Variants in VSIR observed in about 807,000 individuals in gnomAD.
The protein encoded by VSIR is V-type immunoglobulin domain-containing suppressor of T-cell activation.
Under a neutral mutation model 31.0 loss-of-function variants are expected in VSIR, and 10 were observed. That is an observed-to-expected ratio of 0.32 (90% confidence interval 0.20 to 0.55). The LOEUF (loss-of-function observed/expected upper bound fraction) is 0.55. Among genes scored for constraint, VSIR ranks in the 20% least tolerant of loss-of-function variants. The pLI, the probability that VSIR is intolerant of heterozygous loss-of-function variation, is 0.93. For missense variants in VSIR, 356 were observed against 416.2 expected, an observed-to-expected ratio of 0.86 and a Z score of 1.26; for synonymous variants, 179 against 180.1, an observed-to-expected ratio of 0.99 and a Z score of 0.05.
chr10:71,769,073 G>A (rs1341915724), intron 1 of VSIR, among the ~76,000 whole-genome samples: 1 of 152,146 alleles, frequency 6.6e-6, no homozygotes, highest in Non-Finnish European at 1.5e-5. Context: ...TGAAAGCCCA[G>A]CTTGCCTGGC....
chr10:71,751,322 G>A lies in VSIR; in HGVS notation c.899-32C>T, dbSNP rs373627432. ...GAAAAGGAGAAGCAAAGTGAACGGG[G>A]CCCCTCTGCCCCTCACCCTCAACCC... is the stretch of plus-strand genomic sequence containing the variant. On this transcript the variant is annotated intron_variant, in intron 6 of 6. Transcript: ENST00000394957. The surrounding 1 kb of genome is among the most constrained non-coding windows in gnomAD (Gnocchi z 4.9). The A allele has an allele frequency of 1.9e-4, 304 of 1,598,498 alleles. No individual in the cohort carries two copies. Among genetic ancestry groups the A allele is most frequent in the Non-Finnish European group, 2.5e-4 (290 of 1,171,422 alleles).
At chr10:71,763,400 T>C (rs1248860510) in intron 1 of VSIR, among the ~76,000 whole-genome samples, 1 of 152,244 alleles carries the variant, frequency 6.6e-6, no homozygotes, top group East Asian at 1.9e-4. Flanking sequence ...TCCAAACTGA[T>C]ACATCCTTTT....
intron 1 of VSIR, 143 bp downstream of exon 1, chr10:71,773,215 G>A: frequency 1.0e-6 from 1 of 978,490 alleles, no homozygotes; most frequent in Non-Finnish European, 1.5e-6. Flanking sequence ...AGGGGTCCCA[G>A]CAGCCTCTGG....
In VSIR at chr10:71,760,910, A is replaced by G; in HGVS notation, c.526T>C (p.Ser176Pro). The change falls in exon 3 of 7, where the codon TCC becomes CCC. Residue 176 changes from serine to proline, a missense_variant. Physicochemically the swap from Ser to Pro is moderately conservative, Grantham distance 74. Transcript: ENST00000394957. ...LQVQTGKDAP[S>P]NCVVYPSSSQ... ...GAGGATGGGTACACCACACAGTTGG[A>G]TGGTGCATCTTTGCCTGTGGGAACA... 6.2e-7 allele frequency: 1 copy of G among 1,613,816 alleles called. No homozygotes were observed. The highest frequency in any genetic ancestry group is 8.5e-7 in the Non-Finnish European group (1 of 1,179,750).
intron 1 of VSIR, among the ~76,000 whole-genome samples, chr10:71,771,084 A>G (rs113538824): frequency 9.9e-5 from 15 of 152,280 alleles, no homozygotes; most frequent in African/African-American, 3.4e-4. Context: ...GCCCCAGTGC[A>G]CTTAAATGTG....
intron 1 of VSIR, 101 bp from the exon 2 acceptor site, chr10:71,762,127 C>T: frequency 1.5e-6 from 2 of 1,350,704 alleles, no homozygotes; most frequent in South Asian, 3.0e-5. Flanking sequence ...TTCCCAGCCA[C>T]AGGCCAGGGG....
At chr10:71,773,519 CTGAGTGCGAGCGAG>C (rs1208567801) in exon 1 of VSIR, 1 of 1,405,694 alleles carries the variant, frequency 7.1e-7, no homozygotes, top group Non-Finnish European at 9.8e-7. Flanking sequence ...CCTCCCGCGA[CTGAGTGCGAGCGAG>C]TGAGCGCTGC....
chr10:71,761,043 T>A (rs1840369688), intron 2 of VSIR, 119 bp from the exon 3 acceptor site: 1 of 1,016,136 alleles, frequency 9.8e-7, no homozygotes, highest in Non-Finnish European at 1.5e-6. Context: ...TACTCGGCAG[T>A]GTTGGCCCAG....
chr10:71,751,429 C>T lies in VSIR; in HGVS notation c.899-139G>A, dbSNP rs1488516092. 7.4e-5 allele frequency: 29 copies of T among 390,616 alleles called. No homozygotes were observed. The African/African-American group carries it at 7.7e-4, about 10-fold the overall frequency. 24.2% of individuals were successfully genotyped at this position (390,616 alleles called of 1,614,324 possible). A position where few individuals can be genotyped will look rare whatever the true frequency, so the allele number is the denominator to read the frequency against. On this transcript the variant is annotated intron_variant, in intron 6 of 6. Transcript: ENST00000394957. This position sits in a 1 kb window ranked among gnomAD's most constrained non-coding sequence, Gnocchi z 4.9. ...CACCCTCAACCCCACCCCGTGAGGC[C>T]GTGGAACTCTTCAGGGAGGTGAATG...
Position 71,762,280 on chromosome 10 carries a change from G to A in VSIR, c.83-254C>T, listed in dbSNP as rs575482110. On this transcript the variant is annotated intron_variant, in intron 1 of 6. Coordinates refer to ENST00000394957, the MANE Select transcript of VSIR (RefSeq NM_022153.2). ...TGGACAGGGCAGGGAGAGACTTGGA[G>A]GGCAGTGATGCAGTCGGGTGTGTCC... Among the ~76,000 whole-genome samples, 33 of 152,350 alleles carry A rather than the reference G, an allele frequency of 2.2e-4. 1 individual carries two copies. The highest frequency in any genetic ancestry group is 3.4e-3 in the Middle Eastern group (1 of 294).
At chr10:71,767,063 C>A (rs767983344) in intron 1 of VSIR, among the ~76,000 whole-genome samples, 5 of 152,244 alleles carry the variant, frequency 3.3e-5, no homozygotes, top group Non-Finnish European at 5.9e-5. Flanking sequence ...CCATCAGGGG[C>A]ATCTGCTCAG....
chr10:71,753,554 A>G (rs1840059980), intron 4 of VSIR, among the ~76,000 whole-genome samples: 1 of 152,188 alleles, frequency 6.6e-6, no homozygotes, highest in Admixed American at 6.5e-5. Context: ...AAACCTTACA[A>G]GGTGCAAGTC....
At chr10:71,754,420 A>G (rs1840082185) in intron 4 of VSIR, among the ~76,000 whole-genome samples, 1 of 152,162 alleles carries the variant, frequency 6.6e-6, no homozygotes, top group Admixed American at 6.5e-5. Context: ...ACCTGGCACC[A>G]GAGCAATCCT....
chr10:71,772,014 C>T (rs960412089), intron 1 of VSIR, among the ~76,000 whole-genome samples: 3 of 152,230 alleles, frequency 2.0e-5, no homozygotes, highest in African/African-American at 7.2e-5. Flanking sequence ...TGCCTGCCAC[C>T]ATCCTCTGTT....
chr10:71,751,532 C>G lies in VSIR; in HGVS notation c.898+136G>C, dbSNP rs1316162593. 1 of 693,786 alleles carries G rather than the reference C, an allele frequency of 1.4e-6. No individual in the cohort carries two copies. The highest frequency in any genetic ancestry group is 2.3e-6 in the Non-Finnish European group (1 of 429,838). 43.0% of individuals were successfully genotyped at this position (693,786 alleles called of 1,614,324 possible). On this transcript the variant is annotated intron_variant, in intron 6 of 6. Coordinates refer to ENST00000394957, the MANE Select transcript of VSIR (RefSeq NM_022153.2). This position sits in a 1 kb window ranked among gnomAD's most constrained non-coding sequence, Gnocchi z 4.9. Reference sequence around the variant, plus strand: ...TTCAGGGAGGTGAATGGGGGCCCCTCTGTCCCTCACCCTCAACCCCACCCC... The same window carrying G: ...TTCAGGGAGGTGAATGGGGGCCCCTGTGTCCCTCACCCTCAACCCCACCCC...
chr10:71,759,460 T>C (rs1166592151), intron 3 of VSIR, among the ~76,000 whole-genome samples: 1 of 151,950 alleles, frequency 6.6e-6, no homozygotes, highest in Non-Finnish European at 1.5e-5. Flanking sequence ...TGAGCTGTGA[T>C]TGCACCACTG....
chr10:71,771,997 G>A (rs1219858160), intron 1 of VSIR, among the ~76,000 whole-genome samples: 1 of 152,226 alleles, frequency 6.6e-6, no homozygotes, highest in East Asian at 1.9e-4. Flanking sequence ...TGGGATGCTG[G>A]CTTGCCTGCC....
intron 1 of VSIR, among the ~76,000 whole-genome samples, chr10:71,762,807 G>A (rs1288501840): frequency 6.6e-6 from 1 of 152,202 alleles, no homozygotes; most frequent in African/African-American, 2.4e-5. Context: ...TATATGAAAG[G>A]TCATCTCATC....
At chr10:71,760,718 A>G (rs1259774068) in intron 3 of VSIR, 150 bp downstream of exon 3, 18 of 718,570 alleles carry the variant, frequency 2.5e-5, no homozygotes, top group Non-Finnish European at 4.3e-5. Context: ...AGGAGGAAGC[A>G]GAAGGGATGT....
Sources: gnomAD v4.1 joint callset for allele counts (sites outside exome capture counted in the v4.1 genomes callset) on GRCh38, gnomAD v4.1.1 for gene constraint, Gnocchi (gnomAD v3.1) non-coding constraint, MANE v1.5 for transcripts, NCBI Gene and HGNC (gene_info 2026-07-23, HGNC 2026-07-21) for gene names.